FLRT1: variants seen among roughly 807,000 people sequenced by gnomAD.
The protein encoded by FLRT1 is leucine-rich repeat transmembrane protein FLRT1.
A neutral mutation model predicts 30.9 loss-of-function variants in FLRT1; 14 were observed. The observed-to-expected ratio is 0.45, with a 90% CI of 0.30 to 0.71. The LOEUF is 0.71. Among genes scored for constraint, FLRT1 ranks in the 30% least tolerant of loss-of-function variants. The pLI is 0.08. For missense variants in FLRT1, 737 were observed against 949.2 expected (o/e 0.78, Z 2.94); for synonymous variants, 368 against 430.4 (o/e 0.85, Z 1.80).
At chr11:64,099,907 G>A (rs1944642073) in intron 1 of FLRT1, among the ~76,000 whole-genome samples, 1 of 151,956 alleles carries the variant, frequency 6.6e-6, no homozygotes, top group South Asian at 2.1e-4. Flanking sequence ...ATGGAAGGAT[G>A]GAGGGATGGA....
chr11:64,090,607 G>A lies in FLRT1; in HGVS notation c.-1037-12587G>A, dbSNP rs1274741925. On this transcript the variant is annotated intron_variant, in intron 1 of 2. Coordinates refer to ENST00000682287, the MANE Select transcript of FLRT1 (RefSeq NM_013280.5). The surrounding 1 kb of genome is among the most constrained non-coding windows in gnomAD (Gnocchi z 4.7). ...GAAGTGGAGGCTGTGGCCAGCCATC[G>A]CCGCAGGAGGGGTCCCAGCTGGAGC... is the stretch of plus-strand genomic sequence containing the variant. Among the ~76,000 whole-genome samples, 2 of 152,298 alleles carry A rather than the reference G, an allele frequency of 1.3e-5. No individual in the cohort carries two copies. The highest frequency in any genetic ancestry group is 2.9e-5 in the Non-Finnish European group (2 of 68,012).
intron 1 of FLRT1, among the ~76,000 whole-genome samples, chr11:64,045,214 C>T (rs1253927365): frequency 8.8e-6 from 1 of 113,708 alleles, no homozygotes; most frequent in South Asian, 3.0e-4. Flanking sequence ...CTGGTGCCCT[C>T]GGGAGGAGTG....
intron 1 of FLRT1, among the ~76,000 whole-genome samples, chr11:64,048,903 C>A (rs1943637326): frequency 6.6e-6 from 1 of 152,212 alleles, no homozygotes; most frequent in Non-Finnish European, 1.5e-5. Flanking sequence ...CCCCACAGAG[C>A]TCCCAGCCAG....
intron 1 of FLRT1, among the ~76,000 whole-genome samples, chr11:64,057,542 C>T (rs1565212792): frequency 6.6e-6 from 1 of 152,206 alleles, no homozygotes; most frequent in East Asian, 1.9e-4. Flanking sequence ...GCTGCCACGC[C>T]CATTTTACAG....
intron 1 of FLRT1, among the ~76,000 whole-genome samples, chr11:64,065,604 A>T (rs1168747857): frequency 1.4e-5 from 2 of 144,534 alleles, no homozygotes; most frequent in Admixed American, 7.1e-5. Context: ...CCTGGCTAAC[A>T]CGGTGAAACC....
At chr11:64,085,743 C>T (rs1329418157) in intron 1 of FLRT1, among the ~76,000 whole-genome samples, 4 of 152,160 alleles carry the variant, frequency 2.6e-5, no homozygotes, top group East Asian at 1.9e-4. Context: ...CAGTGTTGTC[C>T]ATTGGGGGCC....
At chr11:64,068,914 G>A (rs561582335) in intron 1 of FLRT1, among the ~76,000 whole-genome samples, 3 of 152,376 alleles carry the variant, frequency 2.0e-5, no homozygotes, top group South Asian at 4.1e-4. Flanking sequence ...ATGGGCATCC[G>A]TGTGAACCCC....
At chr11:64,084,958 T>C (rs992872884) in intron 1 of FLRT1, among the ~76,000 whole-genome samples, 5 of 152,194 alleles carry the variant, frequency 3.3e-5, no homozygotes, top group Admixed American at 6.5e-5. Flanking sequence ...AGGGTTTCCG[T>C]CTATGGGGAG....
chr11:64,085,462 A>T (rs1944377297), intron 1 of FLRT1, among the ~76,000 whole-genome samples: 1 of 152,230 alleles, frequency 6.6e-6, no homozygotes, highest in East Asian at 1.9e-4. Context: ...GGCTGCCGGG[A>T]CCAGGCCATG....
At chr11:64,052,901 C>T (rs1943719856) in intron 1 of FLRT1, among the ~76,000 whole-genome samples, 1 of 152,234 alleles carries the variant, frequency 6.6e-6, no homozygotes, top group African/African-American at 2.4e-5. Flanking sequence ...CCCAGCTACC[C>T]TCCAGATAGG....
intron 1 of FLRT1, among the ~76,000 whole-genome samples, chr11:64,069,784 C>T (rs187373824): frequency 6.3e-4 from 96 of 152,316 alleles, no homozygotes; most frequent in Admixed American, 3.7e-3. Context: ...CGCACGCTGC[C>T]GGCCACTGCA....
chr11:64,099,606 G>C (rs1206897984), intron 1 of FLRT1, among the ~76,000 whole-genome samples: 1 of 151,912 alleles, frequency 6.6e-6, no homozygotes, highest in Non-Finnish European at 1.5e-5. Flanking sequence ...ATGGAAGGAT[G>C]AATACAGAGA....
At chr11:64,044,551 C>T (rs918071206) in intron 1 of FLRT1, among the ~76,000 whole-genome samples, 5 of 152,200 alleles carry the variant, frequency 3.3e-5, no homozygotes, top group African/African-American at 1.2e-4. Flanking sequence ...CCAGCAACTT[C>T]TGAAGTAGGC....
At chr11:64,040,420 C>T (rs533751070) in intron 1 of FLRT1, among the ~76,000 whole-genome samples, 6 of 152,226 alleles carry the variant, frequency 3.9e-5, no homozygotes, top group Non-Finnish European at 7.4e-5. Context: ...GGGCTCAAGG[C>T]ACCCGGCCAG....
intron 1 of FLRT1, among the ~76,000 whole-genome samples, chr11:64,054,706 T>C (rs1943751870): frequency 6.6e-6 from 1 of 152,100 alleles, no homozygotes; most frequent in Non-Finnish European, 1.5e-5. Context: ...CCCCTCTATC[T>C]TGCTCCCAAA....
At chr11:64,110,602 G>A (rs2186643) in intron 2 of FLRT1, among the ~76,000 whole-genome samples, 49,999 of 151,868 alleles carry the variant, frequency 0.33, 10,611 homozygotes, top group Non-Finnish European at 0.47. Flanking sequence ...CCAGCTAAGC[G>A]GAGGAGTAAT....
At chr11:64,076,659 G>A (rs761842688) in intron 1 of FLRT1, among the ~76,000 whole-genome samples, 3 of 152,210 alleles carry the variant, frequency 2.0e-5, no homozygotes, top group Non-Finnish European at 4.4e-5. Context: ...AGAGAGAGAC[G>A]AAATCGCCTA....
chr11:64,084,750 C>T (rs1402091833), intron 1 of FLRT1, among the ~76,000 whole-genome samples: 2 of 152,212 alleles, frequency 1.3e-5, no homozygotes, highest in Non-Finnish European at 2.9e-5. Flanking sequence ...CACCTCGTGC[C>T]TTGGTGACCC....
chr11:64,090,886 G>A lies in FLRT1; in HGVS notation c.-1037-12308G>A, dbSNP rs192355937. 1.4e-3 allele frequency among the ~76,000 whole-genome samples: 217 copies of A among 152,166 alleles called. 1 individual carries two copies. Among genetic ancestry groups the A allele is most frequent in the African/African-American group, 4.9e-3 (205 of 41,522 alleles). On this transcript the variant is annotated intron_variant, in intron 1 of 2. Coordinates refer to ENST00000682287, the MANE Select transcript of FLRT1 (RefSeq NM_013280.5). The surrounding 1 kb of genome is among the most constrained non-coding windows in gnomAD (Gnocchi z 4.7). The stretch of plus-strand genomic sequence containing the variant: ...CTGAGGGACGAAGTAAAGCAGGAGA[G>A]GGCAGGGGGAGGGACAGCCAGGGTG...
Sources: allele counts gnomAD v4.1 joint callset (sites outside exome capture counted in the v4.1 genomes callset), GRCh38; gene constraint gnomAD v4.1.1; non-coding constraint Gnocchi (gnomAD v3.1); transcripts MANE v1.5; gene names NCBI Gene and HGNC (gene_info 2026-07-23, HGNC 2026-07-21).